Variants in FTO observed in about 807,000 individuals in gnomAD.
FTO encodes the protein alpha-ketoglutarate-dependent dioxygenase FTO.
In FTO, 47 loss-of-function variants were observed where a neutral mutation model predicts 63.9. The observed-to-expected ratio is 0.74, with a 90% CI of 0.58 to 0.94. The LOEUF (loss-of-function observed/expected upper bound fraction) is 0.94, where lower values mean the gene tolerates loss of function less well. Ranked by LOEUF, FTO falls within the 40% of genes least tolerant of loss-of-function variation. The pLI is 0.00. For synonymous variants in FTO, 207 were observed against 224.4 expected (o/e 0.92, Z 0.69); for missense variants, 562 against 618.1 (o/e 0.91, Z 0.96).
At position 54,026,699 on chromosome 16, in the gene FTO, G is replaced by A. The variant is rs1050407036; in HGVS notation, c.1365-85063G>A. 7.2e-5 allele frequency among the ~76,000 whole-genome samples: 11 copies of A among 152,094 alleles called. 1 individual carries two copies. The highest frequency in any genetic ancestry group is 2.9e-5 in the Non-Finnish European group (2 of 68,012). ...CTTGATGTTGGCCAGTATTATAGAC[G>A]AGAAGCCAGGAGAGTCATAATGAAG... is the stretch of plus-strand genomic sequence containing the variant. On this transcript the variant is annotated intron_variant, in intron 8 of 8. Transcript: ENST00000471389.
intron 2 of FTO, among the ~76,000 whole-genome samples, chr16:53,820,324 T>A (rs528972201): frequency 2.0e-5 from 3 of 152,126 alleles, no homozygotes; most frequent in Non-Finnish European, 4.4e-5. Context: ...TACTATCTTC[T>A]TTTAGGAGCT....
intron 8 of FTO, among the ~76,000 whole-genome samples, chr16:54,041,042 A>C (rs2085063948): frequency 6.6e-6 from 1 of 152,336 alleles, no homozygotes; most frequent in South Asian, 2.1e-4. Flanking sequence ...CCTTAAATTT[A>C]AGAATATTGT....
chr16:53,772,575 CTTTG>C (rs1387633648), intron 1 of FTO, among the ~76,000 whole-genome samples: 20 of 152,118 alleles, frequency 1.3e-4, no homozygotes, highest in African/African-American at 4.8e-4. Flanking sequence ...AGTAACTAGG[CTTTG>C]TTTGTGACTG....
chr16:53,851,685 T>G (rs2079801180), intron 4 of FTO, among the ~76,000 whole-genome samples: 1 of 152,200 alleles, frequency 6.6e-6, no homozygotes, highest in South Asian at 2.1e-4. Flanking sequence ...TACTTTATTA[T>G]AAATATTACT....
At chr16:53,773,415 T>C (rs2151636720) in intron 1 of FTO, among the ~76,000 whole-genome samples, 1 of 152,230 alleles carries the variant, frequency 6.6e-6, no homozygotes, top group African/African-American at 2.4e-5. Context: ...TTTCTAGGTG[T>C]CAGGGAAATT....
chr16:53,786,172 C>T (rs949239628), intron 1 of FTO, among the ~76,000 whole-genome samples: 3 of 152,110 alleles, frequency 2.0e-5, no homozygotes, highest in Non-Finnish European at 4.4e-5. Flanking sequence ...AGTTGATACA[C>T]TGCCCCTACC....
intron 8 of FTO, among the ~76,000 whole-genome samples, chr16:54,101,999 T>C (rs2086651908): frequency 6.6e-6 from 1 of 152,192 alleles, no homozygotes. Flanking sequence ...TTGCCCACTT[T>C]TTAATGGGGT....
At chr16:54,077,084 G>A (rs754422768) in intron 8 of FTO, among the ~76,000 whole-genome samples, 2 of 152,160 alleles carry the variant, frequency 1.3e-5, no homozygotes, top group African/African-American at 4.8e-5. Context: ...AGGAACTCCA[G>A]GCTAAGACTG....
chr16:53,793,930 G>T (rs910687000), intron 1 of FTO, among the ~76,000 whole-genome samples: 8 of 152,222 alleles, frequency 5.3e-5, no homozygotes, highest in African/African-American at 1.9e-4. Flanking sequence ...GCATGAACAG[G>T]CATTTCACAA....
At chr16:53,820,852 G>A (rs8054908) in intron 2 of FTO, among the ~76,000 whole-genome samples, 3 of 152,004 alleles carry the variant, frequency 2.0e-5, no homozygotes, top group Non-Finnish European at 4.4e-5. Context: ...TGTGGAGTTG[G>A]GGGAGGAGCC....
chr16:53,731,174 A>T (rs564340979), intron 1 of FTO, among the ~76,000 whole-genome samples: 1 of 152,320 alleles, frequency 6.6e-6, no homozygotes, highest in African/African-American at 2.4e-5. Flanking sequence ...TTGAGAGGAC[A>T]TTGGAGAGTT....
chr16:53,871,351 T>C (rs1227741062), intron 4 of FTO, among the ~76,000 whole-genome samples: 1 of 152,228 alleles, frequency 6.6e-6, no homozygotes, highest in Non-Finnish European at 1.5e-5. Flanking sequence ...GTAGTCTTTT[T>C]TGTTTAGCCA....
intron 1 of FTO, among the ~76,000 whole-genome samples, chr16:53,714,356 C>G (rs2151472793): frequency 6.6e-6 from 1 of 152,318 alleles, no homozygotes; most frequent in East Asian, 1.9e-4. Flanking sequence ...GCAACCTTAA[C>G]TCACTCTGCT....
chr16:54,010,111 T>G (rs533997218), intron 8 of FTO, among the ~76,000 whole-genome samples: 1 of 152,250 alleles, frequency 6.6e-6, no homozygotes, highest in African/African-American at 2.4e-5. Flanking sequence ...GTGCCAGTTC[T>G]TGCACTTTAA....
At chr16:53,841,800 G>C (rs8053740) in intron 3 of FTO, among the ~76,000 whole-genome samples, 69,260 of 151,938 alleles carry the variant, frequency 0.46, 16,301 homozygotes, top group South Asian at 0.55. Flanking sequence ...GCTTTATTGT[G>C]CATTTTGAAA....
chr16:53,755,778 G>A (rs1280251407), intron 1 of FTO, among the ~76,000 whole-genome samples: 2 of 152,092 alleles, frequency 1.3e-5, no homozygotes, highest in African/African-American at 4.8e-5. Context: ...GCTGGTGTAT[G>A]CCCTTTGCCC....
At chr16:53,720,434 A>G (rs1213261749) in intron 1 of FTO, among the ~76,000 whole-genome samples, 1 of 151,766 alleles carries the variant, frequency 6.6e-6, no homozygotes, top group Admixed American at 6.6e-5. Context: ...CACCATGTAG[A>G]AATTATCAAG....
chr16:54,008,206 C>T (rs1187919334), intron 8 of FTO, among the ~76,000 whole-genome samples: 1 of 152,130 alleles, frequency 6.6e-6, no homozygotes, highest in Non-Finnish European at 1.5e-5. Flanking sequence ...TATTTGAGGG[C>T]CAATCTCAGT....
At chr16:54,028,392 T>G (rs990672278) in intron 8 of FTO, among the ~76,000 whole-genome samples, 1 of 152,226 alleles carries the variant, frequency 6.6e-6, no homozygotes, top group African/African-American at 2.4e-5. Flanking sequence ...TCAGCTCTCA[T>G]GAACCTGCCC....
Sources: allele counts gnomAD v4.1 joint callset (sites outside exome capture counted in the v4.1 genomes callset), GRCh38; gene constraint gnomAD v4.1.1; transcripts MANE v1.5; gene names NCBI Gene and HGNC (gene_info 2026-07-23, HGNC 2026-07-21).